The following PCDH9 variants were observed in gnomAD, a reference collection of about 807,000 sequenced individuals.
PCDH9 encodes the protein protocadherin-9.
PCDH9 carries 24 observed loss-of-function variants against 70.6 expected under a neutral mutation model. The observed-to-expected ratio is 0.34, with a 90% CI of 0.25 to 0.48. The LOEUF (loss-of-function observed/expected upper bound fraction) is 0.48. Among genes scored for constraint, PCDH9 ranks in the 20% least tolerant of loss-of-function variants. PCDH9 has a pLI of 0.99. For missense variants in PCDH9, 1,281 were observed against 1,503.6 expected (o/e 0.85, Z 2.45); for synonymous variants, 562 against 558.5 (o/e 1.01, Z -0.09).
intron 3 of PCDH9, among the ~76,000 whole-genome samples, chr13:66,826,505 G>A (rs929902802): frequency 2.6e-5 from 4 of 151,994 alleles, no homozygotes; most frequent in South Asian, 2.1e-4. Flanking sequence ...CTGTTAGGCC[G>A]TTTGCCTGTA....
At chr13:66,608,225 T>G (rs1435230711) in intron 4 of PCDH9, among the ~76,000 whole-genome samples, 1 of 152,074 alleles carries the variant, frequency 6.6e-6, no homozygotes, top group African/African-American at 2.4e-5. Flanking sequence ...AGGTCTGTGA[T>G]AGCTGATTAT....
chr13:66,340,628 T>C (rs1467386341), intron 4 of PCDH9, among the ~76,000 whole-genome samples: 2 of 152,210 alleles, frequency 1.3e-5, no homozygotes, highest in Non-Finnish European at 2.9e-5. Flanking sequence ...AAAGACTTTA[T>C]TCTTTTTAAT....
At chr13:66,960,682 G>A (rs970276733) in intron 2 of PCDH9, among the ~76,000 whole-genome samples, 1 of 151,992 alleles carries the variant, frequency 6.6e-6, no homozygotes, top group Non-Finnish European at 1.5e-5. Flanking sequence ...TTTATAGCTG[G>A]GCAGTTAAGA....
intron 2 of PCDH9, among the ~76,000 whole-genome samples, chr13:67,130,501 C>T (rs1594552712): frequency 6.6e-6 from 1 of 151,874 alleles, no homozygotes; most frequent in African/African-American, 2.4e-5. Context: ...TTGCAGATCT[C>T]GGTCAAAGTG....
At chr13:66,971,437 A>G (rs1316927412) in intron 2 of PCDH9, among the ~76,000 whole-genome samples, 1 of 152,062 alleles carries the variant, frequency 6.6e-6, no homozygotes, top group African/African-American at 2.4e-5. Flanking sequence ...TCTTCTCAAA[A>G]ACATTAAATA....
intron 4 of PCDH9, among the ~76,000 whole-genome samples, chr13:66,604,117 C>T (rs1000199071): frequency 2.0e-5 from 3 of 151,924 alleles, no homozygotes; most frequent in East Asian, 1.9e-4. Context: ...CTCACCACGG[C>T]CCCATTCCTC....
At chr13:66,701,729 G>A (rs185177896) in intron 3 of PCDH9, among the ~76,000 whole-genome samples, 61 of 152,194 alleles carry the variant, frequency 4.0e-4, no homozygotes, top group African/African-American at 1.3e-3. Context: ...ATAGACTTCT[G>A]TAAGTTGAAT....
intron 3 of PCDH9, among the ~76,000 whole-genome samples, chr13:66,768,734 T>C (rs1000245897): frequency 6.6e-6 from 1 of 152,076 alleles, no homozygotes; most frequent in Non-Finnish European, 1.5e-5. Context: ...CAAAGCAACC[T>C]TTTATCCTTG....
At chr13:66,744,332 T>C (rs1476293355) in intron 3 of PCDH9, among the ~76,000 whole-genome samples, 25 of 152,192 alleles carry the variant, frequency 1.6e-4, no homozygotes, top group Non-Finnish European at 1.6e-4. Flanking sequence ...ACCATCTCTA[T>C]ACATGGATCG....
chr13:66,390,110 T>G (rs1323953556), intron 4 of PCDH9, among the ~76,000 whole-genome samples: 1 of 152,168 alleles, frequency 6.6e-6, no homozygotes, highest in Non-Finnish European at 1.5e-5. Flanking sequence ...TTGCTAATAT[T>G]TAATCACTGT....
Position 66,416,942 on chromosome 13 carries a change from T to C in PCDH9, c.3341-111914A>G, listed in dbSNP as rs183368042. On this transcript the variant is annotated intron_variant, in intron 4 of 4. Coordinates refer to ENST00000377865, the MANE Select transcript of PCDH9 (RefSeq NM_203487.3). ...TGCATCCCAAGGAATAAAAATGTTA[T>C]CAAATATTTTAACTGTTATAATGTT... Among the ~76,000 whole-genome samples the C allele has an allele frequency of 2.0e-5, 3 of 152,324 alleles. No individual in the cohort carries two copies. In the East Asian group the frequency reaches 5.8e-4, roughly 29 times the overall value.
At chr13:66,451,223 A>G (rs990470383) in intron 4 of PCDH9, among the ~76,000 whole-genome samples, 1 of 152,232 alleles carries the variant, frequency 6.6e-6, no homozygotes, top group Non-Finnish European at 1.5e-5. Context: ...TATGCTGCAC[A>G]AAATGAATGA....
At chr13:66,767,248 A>AG (rs891680112) in intron 3 of PCDH9, among the ~76,000 whole-genome samples, 5 of 151,066 alleles carry the variant, frequency 3.3e-5, no homozygotes, top group Admixed American at 1.3e-4. Context: ...AAAAGAGCAA[A>AG]GGGAAGGTTT....
intron 3 of PCDH9, among the ~76,000 whole-genome samples, chr13:66,878,518 C>T (rs899111128): frequency 2.0e-4 from 31 of 152,042 alleles, no homozygotes; most frequent in Non-Finnish European, 3.1e-4. Flanking sequence ...TGAGGCATAG[C>T]GCAGGGCCGG....
chr13:66,553,969 T>C (rs996037302), intron 4 of PCDH9, among the ~76,000 whole-genome samples: 8 of 152,198 alleles, frequency 5.3e-5, no homozygotes, highest in Non-Finnish European at 8.8e-5. Flanking sequence ...CTGAGCATTC[T>C]TCTTTTTAAA....
intron 2 of PCDH9, among the ~76,000 whole-genome samples, chr13:67,017,863 A>T (rs181988): frequency 0.023 from 3,534 of 152,288 alleles, 131 homozygotes; most frequent in African/African-American, 0.079. Context: ...TACACATCCA[A>T]TAATCTCAGA....
chr13:66,459,901 T>C (rs1218124575), intron 4 of PCDH9, among the ~76,000 whole-genome samples: 1 of 151,932 alleles, frequency 6.6e-6, no homozygotes, highest in Admixed American at 6.6e-5. Context: ...GATGTGCGAC[T>C]GTATTTCTCA....
At chr13:66,749,943 A>G (rs947449284) in intron 3 of PCDH9, among the ~76,000 whole-genome samples, 2 of 152,190 alleles carry the variant, frequency 1.3e-5, no homozygotes, top group Non-Finnish European at 2.9e-5. Flanking sequence ...AAATGCATAT[A>G]ATTTTGATCT....
chr13:66,329,449 T>G (rs1203053192), intron 4 of PCDH9, among the ~76,000 whole-genome samples: 3 of 152,180 alleles, frequency 2.0e-5, no homozygotes, highest in African/African-American at 7.2e-5. Flanking sequence ...CCACCTCCCC[T>G]TATCTTTCCT....
Sources: allele counts gnomAD v4.1 joint callset (sites outside exome capture counted in the v4.1 genomes callset), GRCh38; gene constraint gnomAD v4.1.1; transcripts MANE v1.5; gene names NCBI Gene and HGNC (gene_info 2026-07-23, HGNC 2026-07-21).